Variants in SCCPDH observed in about 807,000 individuals in gnomAD.
SCCPDH encodes saccharopine dehydrogenase (putative).
A neutral mutation model predicts 51.5 loss-of-function variants in SCCPDH; 34 were observed. That is an observed-to-expected ratio of 0.66 (90% CI 0.50 to 0.88). SCCPDH has a LOEUF of 0.88. Among genes scored for constraint, SCCPDH ranks in the 40% least tolerant of loss-of-function variants. The pLI is 0.00. For missense variants in SCCPDH, 464 were observed against 527.1 expected (o/e 0.88, Z 1.17); for synonymous variants, 187 against 191.3 (o/e 0.98, Z 0.19).
At chr1:246,727,385 AAAG>A (rs530542808) in intron 2 of SCCPDH, among the ~76,000 whole-genome samples, 5 of 152,354 alleles carry the variant, frequency 3.3e-5, no homozygotes, top group Admixed American at 2.0e-4. Context: ...AAATGCACAA[AAAG>A]AAGACTAAAA....
intron 5 of SCCPDH, among the ~76,000 whole-genome samples, chr1:246,757,065 C>T (rs965416918): frequency 1.3e-5 from 2 of 152,118 alleles, no homozygotes; most frequent in African/African-American, 2.4e-5. Flanking sequence ...AGTGCTAGGC[C>T]GGGCGCGGTG....
intron 4 of SCCPDH, 128 bp downstream of exon 4, chr1:246,740,429 CAT>C (rs560763750): frequency 2.3e-4 from 162 of 717,446 alleles, no homozygotes; most frequent in South Asian, 2.2e-3. Context: ...ATATTAAACA[CAT>C]GTTTTGTTTT....
At chr1:246,740,750 T>C (rs1477729103) in intron 4 of SCCPDH, among the ~76,000 whole-genome samples, 1 of 152,182 alleles carries the variant, frequency 6.6e-6, no homozygotes, top group African/African-American at 2.4e-5. Context: ...ACATTTGAAG[T>C]TACTGATGTT....
chr1:246,753,271 T>A (rs1668881644), intron 5 of SCCPDH, among the ~76,000 whole-genome samples: 1 of 152,142 alleles, frequency 6.6e-6, no homozygotes, highest in African/African-American at 2.4e-5. Flanking sequence ...GCTTTTTTCT[T>A]CATCTCTTCT....
chr1:246,745,811 TAAA>T, intron 5 of SCCPDH, among the ~76,000 whole-genome samples: 1 of 151,920 alleles, frequency 6.6e-6, no homozygotes, highest in African/African-American at 2.4e-5. Context: ...GACACCGAGT[TAAA>T]GAAGGAAGGG....
At chr1:246,756,448 T>G (rs1247185631) in intron 5 of SCCPDH, among the ~76,000 whole-genome samples, 1 of 152,270 alleles carries the variant, frequency 6.6e-6, no homozygotes, top group African/African-American at 2.4e-5. Context: ...ATATACAATT[T>G]AATAAAATTG....
chr1:246,753,711 C>T (rs1668889359), intron 5 of SCCPDH, among the ~76,000 whole-genome samples: 2 of 151,788 alleles, frequency 1.3e-5, no homozygotes, highest in African/African-American at 4.8e-5. Flanking sequence ...TTCGACGGAT[C>T]GTGGCTCTTT....
intron 5 of SCCPDH, among the ~76,000 whole-genome samples, chr1:246,748,521 C>T (rs1255460369): frequency 6.6e-6 from 1 of 152,214 alleles, no homozygotes; most frequent in Non-Finnish European, 1.5e-5. Flanking sequence ...AGCCATCTGG[C>T]TAGTGGGCCC....
chr1:246,759,171 T>G lies in SCCPDH; in HGVS notation c.813+20T>G. On this transcript the variant is annotated intron_variant, in intron 7 of 11. Transcript: ENST00000366510. ...TCACCAGTAAGTATATATGGTTTAT[T>G]TATCAATAAAGTGTGTGTTACAGTT... The G allele has an allele frequency of 8.1e-7, 1 of 1,234,852 alleles. No homozygotes were observed. Among genetic ancestry groups the G allele is most frequent in the Non-Finnish European group, 1.2e-6 (1 of 834,942 alleles). 76.5% of individuals were successfully genotyped at this position (1,234,852 alleles called of 1,614,324 possible). A position where few individuals can be genotyped will look rare whatever the true frequency, so the allele number is the denominator to read the frequency against.
In SCCPDH at chr1:246,740,276, A is replaced by C. The variant is rs1668658160; in HGVS notation, c.489A>C (p.Val163=). 1 of 1,600,360 alleles carries C rather than the reference A, an allele frequency of 6.2e-7. No homozygotes were observed. The highest frequency in any genetic ancestry group is 8.5e-7 in the Non-Finnish European group (1 of 1,170,736). ...GFDSIPADLG[V]IYTRNKMNGT... ...ACTCCATTCCAGCAGATCTGGGAGT[A>C]ATATATACCAGAAATAAAATGAATG... Residue 163 remains valine, a synonymous_variant, in exon 4 of 12, where the codon GTA becomes GTC. Coordinates refer to ENST00000366510, the MANE Select transcript of SCCPDH (RefSeq NM_016002.3).
chr1:246,764,392 T>C, intron 10 of SCCPDH, 35 bp downstream of exon 10: 1 of 1,207,072 alleles, frequency 8.3e-7, no homozygotes, highest in Admixed American at 1.8e-5. Flanking sequence ...GCTTGGGAAT[T>C]TTATACTCTT....
At position 246,728,038 on chromosome 1, in the gene SCCPDH, G is replaced by A. The variant is rs74319462; in HGVS notation, c.303+1034G>A. On this transcript the variant is annotated intron_variant, in intron 2 of 11. Transcript: ENST00000366510. Reference sequence around the variant, plus strand: ...TGGTGCAAGCACAAGCCCTGGGGTCGTAGTGGTGCTGAGAAGTAGTTAGGT... The same window carrying A: ...TGGTGCAAGCACAAGCCCTGGGGTCATAGTGGTGCTGAGAAGTAGTTAGGT... 4.3e-4 allele frequency among the ~76,000 whole-genome samples: 27 copies of A among 63,202 alleles called. No individual in the cohort carries two copies. The East Asian group carries it at 8.0e-3, about 19-fold the overall frequency. 41.5% of individuals were successfully genotyped at this position (63,202 alleles called of 152,430 possible). A position where few individuals can be genotyped will look rare whatever the true frequency, so the allele number is the denominator to read the frequency against.
rs573616375 is a variant in SCCPDH at position 246,744,696 on chromosome 1, T to A, written c.564+571T>A. Among the ~76,000 whole-genome samples, 4 of 151,954 alleles carry A rather than the reference T, an allele frequency of 2.6e-5. No homozygotes were observed. The South Asian group carries it at 8.3e-4, about 32-fold the overall frequency. ...AGTGGTGTGATCTTGGCTCACTCAA[T>A]CTCTGCCTCCCGGATTTAAGTGGTT... On this transcript the variant is annotated intron_variant, in intron 5 of 11. Transcript: ENST00000366510.
chr1:246,726,907 C>T lies in SCCPDH; in HGVS notation c.206C>T (p.Ser69Leu). Residue 69 changes from serine to leucine, a missense_variant, in exon 2 of 12, where the codon TCA (serine) becomes TTA (leucine). Ser to Leu is a moderately radical substitution (Grantham distance 145, BLOSUM62 -2). Transcript: ENST00000366510. ...AALKLGRPTLSSEVGIIICDI... is the reference protein window; with the variant it reads ...AALKLGRPTLLSEVGIIICDI... The stretch of plus-strand genomic sequence containing the variant: ...CTTATTTTAGGAAGACCAACACTGT[C>T]ATCTGAAGTTGGAATCATCATCTGT... The T allele has an allele frequency of 4.3e-6, 7 of 1,612,772 alleles. No homozygotes were observed. Among genetic ancestry groups the T allele is most frequent in the Non-Finnish European group, 5.9e-6 (7 of 1,178,758 alleles).
chr1:246,725,018 T>G (rs1236759167), intron 1 of SCCPDH, among the ~76,000 whole-genome samples: 1 of 152,126 alleles, frequency 6.6e-6, no homozygotes, highest in Non-Finnish European at 1.5e-5. Context: ...GAGGAGGGCT[T>G]TGGTCTCTTG....
At chr1:246,766,803 A>C (rs189708186) in intron 11 of SCCPDH, among the ~76,000 whole-genome samples, 3 of 152,342 alleles carry the variant, frequency 2.0e-5, no homozygotes, top group Non-Finnish European at 4.4e-5. Context: ...CATCCAATTT[A>C]AGTTCTGTTT....
intron 5 of SCCPDH, among the ~76,000 whole-genome samples, chr1:246,746,517 A>G (rs375205048): frequency 6.6e-6 from 1 of 152,140 alleles, no homozygotes; most frequent in African/African-American, 2.4e-5. Context: ...GCATAAGACA[A>G]TATTAGGGGT....
chr1:246,734,719 C>T (rs1392491551), intron 2 of SCCPDH, among the ~76,000 whole-genome samples: 1 of 151,524 alleles, frequency 6.6e-6, no homozygotes, highest in East Asian at 1.9e-4. Context: ...AAGAAAGAAA[C>T]GATTTCCTTG....
intron 2 of SCCPDH, among the ~76,000 whole-genome samples, chr1:246,729,896 G>A (rs933258702): frequency 1.3e-5 from 2 of 152,076 alleles, no homozygotes; most frequent in African/African-American, 2.4e-5. Flanking sequence ...TTCTTCTGCC[G>A]TGGCTTCAGC....
Sources: gnomAD v4.1 joint callset for allele counts (sites outside exome capture counted in the v4.1 genomes callset) on GRCh38, gnomAD v4.1.1 for gene constraint, MANE v1.5 for transcripts, NCBI Gene and HGNC (gene_info 2026-07-23, HGNC 2026-07-21) for gene names.